TRAPPC11: variants seen among roughly 807,000 people sequenced by gnomAD.
The protein encoded by TRAPPC11 is trafficking protein particle complex subunit 11, also known as foie gras homolog.
In TRAPPC11, 104 loss-of-function variants were observed where a neutral mutation model predicts 151.2. The observed-to-expected ratio is 0.69, with a 90% CI of 0.59 to 0.81. TRAPPC11 has a LOEUF of 0.81. Ranked by LOEUF, TRAPPC11 falls within the 30% of genes least tolerant of loss-of-function variation. TRAPPC11 has a pLI of 0.00. For synonymous variants in TRAPPC11, 456 were observed against 472.3 expected (o/e 0.97, Z 0.45); for missense variants, 1,230 against 1,349.6 (o/e 0.91, Z 1.39).
chr4:183,711,003 C>G (rs1737315953), intron 29 of TRAPPC11, among the ~76,000 whole-genome samples: 1 of 151,822 alleles, frequency 6.6e-6, no homozygotes, highest in African/African-American at 2.4e-5. Flanking sequence ...TGCACTCCAG[C>G]CTGGGCAACA....
At chr4:183,674,852 G>T in intron 6 of TRAPPC11, 40 bp downstream of exon 6, 1 of 1,207,324 alleles carries the variant, frequency 8.3e-7, no homozygotes. Context: ...TTCTGGAGCG[G>T]ATTATTATTA....
intron 2 of TRAPPC11, among the ~76,000 whole-genome samples, chr4:183,664,777 T>G (rs1169665328): frequency 6.6e-6 from 1 of 152,158 alleles, no homozygotes; most frequent in Non-Finnish European, 1.5e-5. Context: ...GTTTGAAAGT[T>G]AGGTGATAAA....
At chr4:183,661,361 CTTTTTTTTTTTT>C (rs139201416) in intron 1 of TRAPPC11, among the ~76,000 whole-genome samples, 3 of 79,432 alleles carry the variant, frequency 3.8e-5, no homozygotes, top group East Asian at 4.2e-4. Flanking sequence ...TGTAGATTAC[CTTTTTTTTTTTT>C]TTTTTTTTTT....
At chr4:183,667,397 C>T (rs1734938731) in intron 4 of TRAPPC11, among the ~76,000 whole-genome samples, 1 of 152,158 alleles carries the variant, frequency 6.6e-6, no homozygotes, top group African/African-American at 2.4e-5. Flanking sequence ...GTTCAATTCA[C>T]AAAACAATTC....
intron 5 of TRAPPC11, among the ~76,000 whole-genome samples, chr4:183,668,800 C>G (rs1387593290): frequency 1.3e-5 from 2 of 152,218 alleles, no homozygotes; most frequent in African/African-American, 4.8e-5. Flanking sequence ...TATTGTCACA[C>G]AGAAGTTTTG....
At chr4:183,704,225 A>G (rs1443838947) in intron 26 of TRAPPC11, among the ~76,000 whole-genome samples, 2 of 152,214 alleles carry the variant, frequency 1.3e-5, no homozygotes, top group Non-Finnish European at 2.9e-5. Context: ...ATTTCCATTA[A>G]TAATGTTTTG....
In TRAPPC11 at chr4:183,687,697, A is replaced by AAC. The variant is rs539444307; in HGVS notation, c.1893+951_1893+952dup. Reference sequence around the variant, plus strand: ...TATTCAGAATGAATAGAATTAAAAAAACATTTGGTTTATATTTTACTTCAA... The same window carrying AAC: ...TATTCAGAATGAATAGAATTAAAAAAACACATTTGGTTTATATTTTACTTCAA... On this transcript the variant is annotated intron_variant, in intron 18 of 29. Coordinates refer to ENST00000334690, the MANE Select transcript of TRAPPC11 (RefSeq NM_021942.6). Among the ~76,000 whole-genome samples, 94 of 152,190 alleles carry AAC rather than the reference A, an allele frequency of 6.2e-4. 1 individual carries two copies. Among genetic ancestry groups the AAC allele is most frequent in the Non-Finnish European group, 1.2e-3 (81 of 68,026 alleles).
At chr4:183,686,865 C>T (rs917054056) in intron 18 of TRAPPC11, 117 bp downstream of exon 18, 1 of 1,256,212 alleles carries the variant, frequency 8.0e-7, no homozygotes, top group Non-Finnish European at 1.1e-6. Context: ...AACAAATGAA[C>T]TTTGGTAAGG....
chr4:183,709,708 G>T (rs532306310), intron 29 of TRAPPC11, among the ~76,000 whole-genome samples: 152 of 152,330 alleles, frequency 1.0e-3, no homozygotes, highest in African/African-American at 3.2e-3. Flanking sequence ...CCAGGAGGCA[G>T]AGCTTGCAGT....
chr4:183,686,788 T>C (rs376416397), intron 18 of TRAPPC11, 40 bp downstream of exon 18: 2 of 1,602,684 alleles, frequency 1.2e-6, no homozygotes, highest in Non-Finnish European at 1.7e-6. Flanking sequence ...ACGTTTATCT[T>C]ATTGTAGCTT....
At chr4:183,670,501 G>T (rs1735098589) in intron 5 of TRAPPC11, among the ~76,000 whole-genome samples, 1 of 152,136 alleles carries the variant, frequency 6.6e-6, no homozygotes, top group Non-Finnish European at 1.5e-5. Context: ...TCAAAACAAA[G>T]GTGACAGTTT....
intron 7 of TRAPPC11, among the ~76,000 whole-genome samples, chr4:183,676,875 C>T (rs975022218): frequency 2.6e-5 from 4 of 152,318 alleles, no homozygotes; most frequent in Non-Finnish European, 5.9e-5. Flanking sequence ...AGGGATTCTC[C>T]TGCCTCAACT....
intron 5 of TRAPPC11, among the ~76,000 whole-genome samples, chr4:183,668,388 A>G (rs550272106): frequency 6.6e-6 from 1 of 152,346 alleles, no homozygotes; most frequent in African/African-American, 2.4e-5. Flanking sequence ...TATAGTATCC[A>G]TACCACACAC....
chr4:183,661,564 G>C (rs1308080705), intron 1 of TRAPPC11, among the ~76,000 whole-genome samples: 1 of 151,280 alleles, frequency 6.6e-6, no homozygotes, highest in Non-Finnish European at 1.5e-5. Context: ...GTAGAGACGG[G>C]GTTTCACCAT....
chr4:183,674,641 A>T (rs2111330277), intron 5 of TRAPPC11, 72 bp from the exon 6 acceptor site: 1 of 834,574 alleles, frequency 1.2e-6, no homozygotes, highest in South Asian at 2.0e-5. Context: ...TTCAGGTCTC[A>T]CAAATATTCT....
chr4:183,684,491 GT>G (rs954218762), intron 14 of TRAPPC11, 132 bp downstream of exon 14: 4 of 1,058,322 alleles, frequency 3.8e-6, no homozygotes, highest in African/African-American at 1.6e-5. Context: ...TTTCTGTAAT[GT>G]TTTTTTCAAG....
At chr4:183,660,860 CGCAT>C (rs1561020057) in intron 1 of TRAPPC11, among the ~76,000 whole-genome samples, 6 of 152,030 alleles carry the variant, frequency 3.9e-5, no homozygotes, top group African/African-American at 1.4e-4. Context: ...ACTATAGGCA[CGCAT>C]CACCATGCCC....
At chr4:183,708,305 A>T in intron 28 of TRAPPC11, 102 bp from the exon 29 acceptor site, 2 of 1,240,084 alleles carry the variant, frequency 1.6e-6, no homozygotes, top group Non-Finnish European at 1.1e-6. Flanking sequence ...CAGTAGAAGG[A>T]TTTGGTTATC....
rs111776038 is a variant in TRAPPC11 at position 183,711,263 on chromosome 4, A to G, written c.3358-1337A>G. 2.4e-3 allele frequency among the ~76,000 whole-genome samples: 365 copies of G among 152,270 alleles called. 1 individual carries two copies. The highest frequency in any genetic ancestry group is 8.3e-3 in the African/African-American group (346 of 41,554). On this transcript the variant is annotated intron_variant, in intron 29 of 29. Coordinates refer to ENST00000334690, the MANE Select transcript of TRAPPC11 (RefSeq NM_021942.6). ...CCGGTATAGCCACTAGCCACATGTGACTATTGAGATTCAGTTTAAATTAAA... is the reference window on the plus strand; with the variant it reads ...CCGGTATAGCCACTAGCCACATGTGGCTATTGAGATTCAGTTTAAATTAAA...
Sources: allele counts gnomAD v4.1 joint callset (sites outside exome capture counted in the v4.1 genomes callset), GRCh38; gene constraint gnomAD v4.1.1; transcripts MANE v1.5; gene names NCBI Gene and HGNC (gene_info 2026-07-23, HGNC 2026-07-21).